The following MORC2 variants were observed in gnomAD, a reference collection of about 807,000 sequenced individuals.
MORC2 encodes the protein ATPase MORC2.
Under a neutral mutation model 136.0 loss-of-function variants are expected in MORC2, and 30 were observed. That is an observed-to-expected ratio of 0.22 (90% confidence interval 0.17 to 0.30). The LOEUF is 0.30. Ranked by LOEUF, MORC2 falls within the 10% of genes least tolerant of loss-of-function variation. The probability of loss-of-function intolerance (pLI) is 1.00; values close to 1 mark genes in which losing one functional copy is unlikely to be tolerated. For synonymous variants in MORC2, 439 were observed against 487.0 expected (o/e 0.90, Z 1.30); for missense variants, 922 against 1,333.1 (o/e 0.69, Z 4.80).
chr22:30,956,823 TG>T (rs1184181876), intron 2 of MORC2, 26 bp from the exon 3 acceptor site: 16 of 1,520,920 alleles, frequency 1.1e-5, no homozygotes, highest in Non-Finnish European at 1.3e-5. Context: ...AAAAGAATCA[TG>T]TGAATTAATA....
chr22:30,936,620 T>C lies in MORC2; in HGVS notation c.1628A>G (p.Gln543Arg). ...QDRCEASEQK[Q>R]KVPLGTFRKD... ...TCTGAATGTTCCCAGGGGAACCTTCTGCTTTTGTTCAGAAGCCTCACACCT... is the reference window on the plus strand; with the variant it reads ...TCTGAATGTTCCCAGGGGAACCTTCCGCTTTTGTTCAGAAGCCTCACACCT... The change falls in exon 17 of 26, where the codon CAG (glutamine) becomes CGG (arginine). Residue 543 changes from glutamine (Q) to arginine (R), a missense_variant. This residue lies in a region of MORC2 where 119 missense variants were observed against 202.7 expected (regional missense o/e 0.59). Transcript: ENST00000397641. 1 of 1,614,172 alleles carries C rather than the reference T, an allele frequency of 6.2e-7. No homozygotes were observed. The highest frequency in any genetic ancestry group is 2.2e-5 in the East Asian group (1 of 44,894).
chr22:30,950,336 C>CGCGGGGGGGGG, intron 4 of MORC2, 41 bp downstream of exon 4: 2 of 764,010 alleles, frequency 2.6e-6, no homozygotes, highest in Non-Finnish European at 4.7e-6. Context: ...ATGGTTACAT[C>CGCGGGGGGGGG]GCACCCCCCC....
In MORC2 at chr22:30,942,276, G is replaced by T. The variant is rs2040753453; in HGVS notation, c.427-5C>A. 2 of 1,606,058 alleles carry T rather than the reference G, an allele frequency of 1.2e-6. No homozygotes were observed. The highest frequency in any genetic ancestry group is 1.7e-6 in the Non-Finnish European group (2 of 1,177,942). On this transcript the variant is annotated splice_polypyrimidine_tract_variant and splice_region_variant and intron_variant, in intron 6 of 25. Transcript: ENST00000397641. ...GGTGGGCAGTGGGACTATCACCTGT[G>T]GAGTAAACATGAGCAGGCACTTTAA...
intron 24 of MORC2, among the ~76,000 whole-genome samples, chr22:30,930,653 A>G (rs1468573233): frequency 1.3e-5 from 2 of 152,228 alleles, no homozygotes. Flanking sequence ...AACTTTATCA[A>G]GCACACAACT....
chr22:30,965,110 C>T (rs1382892968), intron 1 of MORC2, among the ~76,000 whole-genome samples: 2 of 152,232 alleles, frequency 1.3e-5, no homozygotes, highest in African/African-American at 4.8e-5. Flanking sequence ...GGCTGGTTTG[C>T]AAGCACACGG....
Position 30,932,091 on chromosome 22 carries a change from C to A in MORC2, c.2841+268G>T. ...AAAATGTCAAACTACACCTGCTATC[C>A]CTAAGGGATGACTCAACTCCTAGCA... On this transcript the variant is annotated intron_variant, in intron 24 of 25. Coordinates refer to ENST00000397641, the MANE Select transcript of MORC2 (RefSeq NM_001303256.3). The surrounding 1 kb of genome is among the most constrained non-coding windows in gnomAD (Gnocchi z 4.4). The A allele has an allele frequency of 2.5e-6, 1 of 398,962 alleles. No individual in the cohort carries two copies. The allele number at this position is 398,962 out of a possible 1,614,324, so 24.7% of individuals were successfully genotyped here.
At chr22:30,929,516 A>T (rs753816408) in intron 24 of MORC2, among the ~76,000 whole-genome samples, 4 of 152,188 alleles carry the variant, frequency 2.6e-5, no homozygotes, top group Non-Finnish European at 5.9e-5. Flanking sequence ...TGGGAGGCCG[A>T]GGCAGGTGGA....
At chr22:30,966,236 G>C (rs1412062147) in intron 1 of MORC2, among the ~76,000 whole-genome samples, 1 of 152,150 alleles carries the variant, frequency 6.6e-6, no homozygotes, top group Non-Finnish European at 1.5e-5. Context: ...CATAAAATCT[G>C]TAATTCCAGA....
intron 1 of MORC2, among the ~76,000 whole-genome samples, chr22:30,965,670 A>G (rs2041117446): frequency 6.6e-6 from 1 of 152,260 alleles, no homozygotes. Flanking sequence ...AAAGTCCCAG[A>G]AAATTCCCCA....
At position 30,954,988 on chromosome 22, in the gene MORC2, C is replaced by T. The variant is rs560163942; in HGVS notation, c.157+1775G>A. 1.0e-4 allele frequency among the ~76,000 whole-genome samples: 12 copies of T among 116,398 alleles called. No individual in the cohort carries two copies. In the South Asian group the frequency reaches 3.3e-3, roughly 32 times the overall value. The allele number at this position is 116,398 out of a possible 152,430, so 76.4% of individuals were successfully genotyped here. On this transcript the variant is annotated intron_variant, in intron 3 of 25. Transcript: ENST00000397641. ...TTTTTTTTTTTTTGAGACGGAGCTTCGCTCTTGTTGCCCAGGCTGGAGTGC... is the reference window on the plus strand; with the variant it reads ...TTTTTTTTTTTTTGAGACGGAGCTTTGCTCTTGTTGCCCAGGCTGGAGTGC...
At position 30,932,728 on chromosome 22, in the gene MORC2, G is replaced by A. The variant is rs1232833094; in HGVS notation, c.2564C>T (p.Pro855Leu). 1.9e-5 allele frequency: 31 copies of A among 1,614,056 alleles called. No individual in the cohort carries two copies. Among genetic ancestry groups the A allele is most frequent in the African/African-American group, 5.3e-5 (4 of 74,916 alleles). Residue 855 changes from proline (P) to leucine (L), a missense_variant, in exon 23 of 26, where the codon CCT becomes CTT. Pro to Leu is a moderately conservative substitution (Grantham distance 98). Transcript: ENST00000397641. The surrounding 1 kb of genome is among the most constrained non-coding windows in gnomAD (Gnocchi z 4.4). The stretch of plus-strand genomic sequence containing the variant: ...ATCAAGGCTCTGATGTTCCGGAGAA[G>A]GGGGTTTCATCAGCCGCACATCCTC... ...GSEDVRLMKP[P>L]SPEHQSLDTQ... is the part of the protein sequence containing the mutation.
intron 4 of MORC2, 41 bp downstream of exon 4, chr22:30,950,336 C>CGCGGGGGGGGGGG: frequency 2.6e-6 from 2 of 764,020 alleles, no homozygotes; most frequent in Non-Finnish European, 2.4e-6. Context: ...ATGGTTACAT[C>CGCGGGGGGGGGGG]GCACCCCCCC....
At chr22:30,967,067 T>C (rs1224970067) in intron 1 of MORC2, 1 of 980,100 alleles carries the variant, frequency 1.0e-6, no homozygotes, top group East Asian at 1.1e-4. Context: ...AACACTTACC[T>C]TCATCTCAAA....
At chr22:30,946,256 T>C (rs1378772167) in intron 6 of MORC2, 85 bp downstream of exon 6, 15 of 1,008,630 alleles carry the variant, frequency 1.5e-5, no homozygotes, top group Admixed American at 1.0e-4. Flanking sequence ...CCAAAGAGTC[T>C]AGCATTGCAA....
intron 20 of MORC2, 76 bp downstream of exon 20, chr22:30,933,984 T>TGG: frequency 6.7e-7 from 1 of 1,494,028 alleles, no homozygotes; most frequent in Non-Finnish European, 9.2e-7. Context: ...AGACTGCTGA[T>TGG]GGGGGGTGCA....
At chr22:30,955,748 C>T (rs2040957534) in intron 3 of MORC2, among the ~76,000 whole-genome samples, 1 of 152,094 alleles carries the variant, frequency 6.6e-6, no homozygotes, top group Non-Finnish European at 1.5e-5. Flanking sequence ...GTGGCTCACG[C>T]CTGTAATCCC....
chr22:30,934,821 G>A lies in MORC2; in HGVS notation c.2153C>T (p.Pro718Leu). 1 of 1,614,142 alleles carries A rather than the reference G, an allele frequency of 6.2e-7. No individual in the cohort carries two copies. Among genetic ancestry groups the A allele is most frequent in the East Asian group, 2.2e-5 (1 of 44,878 alleles). ...EVPSPKVIKT[P>L]VVKKTESPIK... is the part of the protein sequence containing the mutation. ...GGGTGACTCTGTCTTCTTCACCACT[G>A]GAGTCTTGATGACTTTGGGAGAAGG... The change falls in exon 19 of 26, where the codon CCA becomes CTA. Residue 718 changes from proline (P) to leucine (L), a missense_variant. Physicochemically the swap from Pro to Leu is moderately conservative, Grantham distance 98. Around this residue, in one of 9 missense-constraint regions of MORC2, gnomAD observed 184 missense variants for 180.3 expected, o/e 1.02. Transcript: ENST00000397641. The surrounding 1 kb of genome is among the most constrained non-coding windows in gnomAD (Gnocchi z 4.4).
chr22:30,952,586 T>C (rs5997819), intron 3 of MORC2, among the ~76,000 whole-genome samples: 252 of 152,316 alleles, frequency 1.7e-3, no homozygotes, highest in African/African-American at 5.7e-3. Flanking sequence ...TATAAATGGC[T>C]AGTAGTGTCT....
chr22:30,949,869 G>C (rs1278670511), intron 4 of MORC2, 27 bp from the exon 5 acceptor site: 1 of 1,608,286 alleles, frequency 6.2e-7, no homozygotes, highest in Non-Finnish European at 8.5e-7. Flanking sequence ...AAGAGAAAGT[G>C]AAAAGTTTGC....
Sources: allele counts gnomAD v4.1 joint callset (sites outside exome capture counted in the v4.1 genomes callset), GRCh38; gene constraint gnomAD v4.1.1; regional missense constraint gnomAD v4.1.1; non-coding constraint Gnocchi (gnomAD v3.1); transcripts MANE v1.5; gene names NCBI Gene and HGNC (gene_info 2026-07-23, HGNC 2026-07-21).